HCN1: variants seen among roughly 807,000 people sequenced by gnomAD.
The protein encoded by HCN1 is hyperpolarization activated cyclic nucleotide gated potassium channel 1.
A neutral mutation model predicts 78.9 loss-of-function variants in HCN1; 13 were observed. The observed-to-expected ratio is 0.16, with a 90% CI of 0.11 to 0.26. The LOEUF (loss-of-function observed/expected upper bound fraction) is 0.26, where lower values mean the gene tolerates loss of function less well. Among genes scored for constraint, HCN1 ranks in the 10% least tolerant of loss-of-function variants. The pLI, the probability that HCN1 is intolerant of heterozygous loss-of-function variation, is 1.00. For synonymous variants in HCN1, 552 were observed against 455.5 expected, an observed-to-expected ratio of 1.21 and a Z score of -2.70; for missense variants, 810 against 1,154.3, an observed-to-expected ratio of 0.70 and a Z score of 4.32.
intron 4 of HCN1, among the ~76,000 whole-genome samples, chr5:45,371,583 C>T (rs868731936): frequency 2.6e-5 from 4 of 151,160 alleles, no homozygotes; most frequent in Non-Finnish European, 5.9e-5. Context: ...ACAGTGAAAC[C>T]CTGTCTCTAT....
At chr5:45,372,100 T>TATATATATTA (rs1561127912) in intron 4 of HCN1, among the ~76,000 whole-genome samples, 2 of 48,406 alleles carry the variant, frequency 4.1e-5, no homozygotes, top group African/African-American at 2.5e-4. Context: ...TATATATATT[T>TATATATATTA]TATATATAAT....
intron 2 of HCN1, among the ~76,000 whole-genome samples, chr5:45,567,793 T>A (rs1005813653): frequency 6.6e-6 from 1 of 151,994 alleles, no homozygotes; most frequent in African/African-American, 2.4e-5. Flanking sequence ...TAACTGTCCC[T>A]GGAAAGTTTT....
intron 2 of HCN1, among the ~76,000 whole-genome samples, chr5:45,522,624 T>C (rs1180588113): frequency 6.6e-6 from 1 of 151,890 alleles, no homozygotes; most frequent in Non-Finnish European, 1.5e-5. Flanking sequence ...TTGTTTTGTT[T>C]TGTTTTGCAA....
At chr5:45,294,686 T>C (rs1359779463) in intron 6 of HCN1, among the ~76,000 whole-genome samples, 1 of 152,044 alleles carries the variant, frequency 6.6e-6, no homozygotes, top group African/African-American at 2.4e-5. Context: ...TTTTACTTAG[T>C]GGATAATATA....
At chr5:45,414,933 C>G (rs1740091796) in intron 3 of HCN1, among the ~76,000 whole-genome samples, 2 of 151,962 alleles carry the variant, frequency 1.3e-5, no homozygotes, top group Admixed American at 1.3e-4. Context: ...TTCCTTGTGA[C>G]CCTTAATAAT....
chr5:45,345,693 T>C (rs1323981821), intron 5 of HCN1, among the ~76,000 whole-genome samples: 3 of 152,236 alleles, frequency 2.0e-5, no homozygotes, highest in African/African-American at 4.8e-5. Flanking sequence ...CTGGGCTTTA[T>C]TGACCATAGC....
At chr5:45,296,410 A>G (rs1745495215) in intron 6 of HCN1, among the ~76,000 whole-genome samples, 1 of 151,960 alleles carries the variant, frequency 6.6e-6, no homozygotes, top group African/African-American at 2.4e-5. Context: ...TAATATTAAA[A>G]AAATGAAAGA....
chr5:45,496,747 C>A (rs1452567526), intron 2 of HCN1, among the ~76,000 whole-genome samples: 1 of 152,084 alleles, frequency 6.6e-6, no homozygotes, highest in Non-Finnish European at 1.5e-5. Flanking sequence ...CTTCTGCTAG[C>A]TTTTGAATGT....
At chr5:45,591,251 A>C (rs1744359228) in intron 2 of HCN1, among the ~76,000 whole-genome samples, 2 of 152,154 alleles carry the variant, frequency 1.3e-5, no homozygotes, top group African/African-American at 2.4e-5. Context: ...AGATTTTTGC[A>C]CTAATGTAAG....
At position 45,527,019 on chromosome 5, in the gene HCN1, C is replaced by T. The variant is rs112713453; in HGVS notation, c.850-65012G>A. On this transcript the variant is annotated intron_variant, in intron 2 of 7. Transcript: ENST00000303230. Reference sequence around the variant, plus strand: ...AATCTTTCCTTTCCTTCCTTCTCTGCCCATCATTCTCATTCTCTCTCTCTT... The same window carrying T: ...AATCTTTCCTTTCCTTCCTTCTCTGTCCATCATTCTCATTCTCTCTCTCTT... Among the ~76,000 whole-genome samples, 36 of 137,192 alleles carry T rather than the reference C, an allele frequency of 2.6e-4. 5 individuals are homozygous for T. The highest frequency in any genetic ancestry group is 8.2e-4 in the African/African-American group (30 of 36,662). The allele number at this position is 137,192 out of a possible 152,430, so 90.0% of individuals were successfully genotyped here. A position where few individuals can be genotyped will look rare whatever the true frequency, so the allele number is the denominator to read the frequency against.
At chr5:45,586,711 T>C (rs762667524) in intron 2 of HCN1, among the ~76,000 whole-genome samples, 2 of 152,170 alleles carry the variant, frequency 1.3e-5, no homozygotes, top group African/African-American at 2.4e-5. Context: ...TGGCAATCTG[T>C]TGCAGCAGCA....
At chr5:45,423,442 T>C (rs1264942621) in intron 3 of HCN1, among the ~76,000 whole-genome samples, 2 of 152,174 alleles carry the variant, frequency 1.3e-5, no homozygotes, top group Non-Finnish European at 2.9e-5. Flanking sequence ...TCACAAAGCC[T>C]CCACTGTAGT....
chr5:45,418,359 C>A lies in HCN1; in HGVS notation c.1012-21649G>T, dbSNP rs148754213. ...TACATGCTTCTATTTCTCCCTCCTT[C>A]ATAAATATGATGAGGCCAAATCAGC... On this transcript the variant is annotated intron_variant, in intron 3 of 7. Coordinates refer to ENST00000303230, the MANE Select transcript of HCN1 (RefSeq NM_021072.4). 2.0e-5 allele frequency among the ~76,000 whole-genome samples: 3 copies of A among 150,804 alleles called. No individual in the cohort carries two copies. In the East Asian group the frequency reaches 6.0e-4, roughly 30 times the overall value.
chr5:45,584,161 T>C (rs533300135), intron 2 of HCN1, among the ~76,000 whole-genome samples: 1 of 152,292 alleles, frequency 6.6e-6, no homozygotes, highest in East Asian at 1.9e-4. Context: ...TGTGTGGGAG[T>C]CTAAGTCTCT....
At chr5:45,555,792 C>T (rs1480456313) in intron 2 of HCN1, among the ~76,000 whole-genome samples, 1 of 151,486 alleles carries the variant, frequency 6.6e-6, no homozygotes, top group Non-Finnish European at 1.5e-5. Flanking sequence ...AGTCATATTA[C>T]CTGACTTCAA....
intron 2 of HCN1, among the ~76,000 whole-genome samples, chr5:45,585,258 C>G (rs1209723066): frequency 2.0e-5 from 3 of 152,158 alleles, no homozygotes; most frequent in Admixed American, 2.0e-4. Flanking sequence ...AACTTCTCTT[C>G]TCACTTCATT....
chr5:45,426,749 G>A (rs1303165592), intron 3 of HCN1, among the ~76,000 whole-genome samples: 1 of 152,096 alleles, frequency 6.6e-6, no homozygotes, highest in African/African-American at 2.4e-5. Context: ...ACTCAAGTCT[G>A]CTCTTCATAT....
chr5:45,478,781 A>G (rs1579919747), intron 2 of HCN1, among the ~76,000 whole-genome samples: 1 of 152,138 alleles, frequency 6.6e-6, no homozygotes. Flanking sequence ...CTTACTAGTG[A>G]GTAAAAGTTA....
chr5:45,330,978 C>A (rs943613592), intron 5 of HCN1, among the ~76,000 whole-genome samples: 7 of 151,052 alleles, frequency 4.6e-5, no homozygotes, highest in Non-Finnish European at 8.9e-5. Context: ...CTTACTTTAA[C>A]CACTTTTTGT....
Sources: gnomAD v4.1 joint callset for allele counts (sites outside exome capture counted in the v4.1 genomes callset) on GRCh38, gnomAD v4.1.1 for gene constraint, MANE v1.5 for transcripts, NCBI Gene and HGNC (gene_info 2026-07-23, HGNC 2026-07-21) for gene names.